SH3PXD2B: variants seen among roughly 807,000 people sequenced by gnomAD.
The protein encoded by SH3PXD2B is SH3 and PX domain-containing protein 2B.
Under a neutral mutation model 73.1 loss-of-function variants are expected in SH3PXD2B, and 37 were observed. That is an observed-to-expected ratio of 0.51 (90% CI 0.39 to 0.67). SH3PXD2B has a LOEUF of 0.67. Among genes scored for constraint, SH3PXD2B ranks in the 30% least tolerant of loss-of-function variants. The pLI is 0.00. For missense variants in SH3PXD2B, 1,053 were observed against 1,197.8 expected (o/e 0.88, Z 1.78); for synonymous variants, 457 against 480.5 (o/e 0.95, Z 0.64).
chr5:172,433,910 C>A (rs185291126), intron 1 of SH3PXD2B, among the ~76,000 whole-genome samples: 5 of 152,266 alleles, frequency 3.3e-5, no homozygotes, highest in African/African-American at 9.6e-5. Context: ...TTCACCTCCT[C>A]GCGGGGTCTA....
intron 2 of SH3PXD2B, among the ~76,000 whole-genome samples, chr5:172,414,120 T>G (rs1469812756): frequency 6.6e-6 from 1 of 152,150 alleles, no homozygotes; most frequent in Non-Finnish European, 1.5e-5. Context: ...AAAAGTACAC[T>G]TGGGGCTGTT....
chr5:172,402,277 C>A (rs1175161048), intron 3 of SH3PXD2B, among the ~76,000 whole-genome samples: 2 of 152,178 alleles, frequency 1.3e-5, no homozygotes, highest in Admixed American at 1.3e-4. Context: ...AAATTTTGGT[C>A]AGACCGTTGT....
intron 6 of SH3PXD2B, among the ~76,000 whole-genome samples, chr5:172,369,218 GTTTT>G (rs1757646555): frequency 6.8e-6 from 1 of 146,610 alleles, no homozygotes; most frequent in African/African-American, 2.6e-5. Flanking sequence ...TATTTTTTTT[GTTTT>G]GTTTTGTTTT....
intron 7 of SH3PXD2B, among the ~76,000 whole-genome samples, chr5:172,360,704 T>C (rs142546339): frequency 0.014 from 2,187 of 152,214 alleles, 16 homozygotes; most frequent in South Asian, 0.024. Context: ...TGGTGGCATG[T>C]GCCTGTAGTC....
At chr5:172,377,441 G>C (rs970971368) in intron 5 of SH3PXD2B, among the ~76,000 whole-genome samples, 16 of 152,098 alleles carry the variant, frequency 1.1e-4, no homozygotes, top group African/African-American at 3.9e-4. Flanking sequence ...ACCATCCCTT[G>C]GGCCCTTGGC....
intron 1 of SH3PXD2B, among the ~76,000 whole-genome samples, chr5:172,452,686 G>C (rs998229882): frequency 6.6e-6 from 1 of 152,172 alleles, no homozygotes; most frequent in Non-Finnish European, 1.5e-5. Context: ...GTTTTTGCCA[G>C]CTCACAGACC....
intron 1 of SH3PXD2B, among the ~76,000 whole-genome samples, chr5:172,439,690 GCGCA>G (rs1328310781): frequency 1.8e-3 from 207 of 113,214 alleles, no homozygotes; most frequent in African/African-American, 6.1e-3. Flanking sequence ...GCGCACGCGC[GCGCA>G]CACACACACA....
In SH3PXD2B at chr5:172,335,335, A is replaced by G; in HGVS notation, c.*3034T>C. On this transcript the variant is annotated 3_prime_UTR_variant, in exon 13 of 13. Coordinates refer to ENST00000311601, the MANE Select transcript of SH3PXD2B (RefSeq NM_001017995.3). The stretch of plus-strand genomic sequence containing the variant: ...AGGGGCGGGGGGAAGAGGCACCGAA[A>G]TTCAGAGGGAGGGTCACTTGATTCC... 1 of 1,201,330 alleles carries G rather than the reference A, an allele frequency of 8.3e-7. No individual in the cohort carries two copies. 74.4% of individuals were successfully genotyped at this position (1,201,330 alleles called of 1,614,324 possible).
chr5:172,368,640 T>TTATATATATAACACATATATATTA (rs1554137066), intron 6 of SH3PXD2B, among the ~76,000 whole-genome samples: 1 of 15,922 alleles, frequency 6.3e-5, no homozygotes, highest in Non-Finnish European at 8.5e-5. Flanking sequence ...AATATATATG[T>TTATATATATAACACATATATATTA]TATATATATA....
intron 5 of SH3PXD2B, among the ~76,000 whole-genome samples, chr5:172,379,069 C>CAAAAAA (rs61301407): frequency 1.3e-5 from 1 of 76,000 alleles, no homozygotes; most frequent in African/African-American, 5.0e-5. Flanking sequence ...GACTCTGTCT[C>CAAAAAA]AAAAAAAAAA....
chr5:172,376,338 T>G (rs1039978960), intron 5 of SH3PXD2B, among the ~76,000 whole-genome samples: 11 of 152,102 alleles, frequency 7.2e-5, no homozygotes, highest in African/African-American at 2.4e-4. Context: ...CTATCTATCT[T>G]CTTGATTACA....
At chr5:172,379,626 A>T (rs1170193214) in intron 5 of SH3PXD2B, among the ~76,000 whole-genome samples, 1 of 152,194 alleles carries the variant, frequency 6.6e-6, no homozygotes, top group African/African-American at 2.4e-5. Flanking sequence ...AATAAAGACA[A>T]CAATGTCTGG....
chr5:172,413,956 G>T (rs1758758771), intron 2 of SH3PXD2B, among the ~76,000 whole-genome samples: 1 of 152,226 alleles, frequency 6.6e-6, no homozygotes, highest in African/African-American at 2.4e-5. Context: ...GATCTTGCTG[G>T]GAAGGCTTCC....
chr5:172,386,761 G>T (rs960019178), intron 4 of SH3PXD2B, among the ~76,000 whole-genome samples: 9 of 152,084 alleles, frequency 5.9e-5, no homozygotes, highest in African/African-American at 2.2e-4. Context: ...CTGAGTAGCT[G>T]GGGTTACAGG....
intron 1 of SH3PXD2B, among the ~76,000 whole-genome samples, chr5:172,425,799 A>T (rs1337615722): frequency 6.6e-6 from 1 of 152,102 alleles, no homozygotes; most frequent in Non-Finnish European, 1.5e-5. Flanking sequence ...CGGCTTGAAG[A>T]GGGGCAGGGA....
intron 3 of SH3PXD2B, among the ~76,000 whole-genome samples, chr5:172,401,470 T>C (rs1260098698): frequency 6.6e-6 from 1 of 152,172 alleles, no homozygotes; most frequent in African/African-American, 2.4e-5. Flanking sequence ...CTGTAGTAAA[T>C]CTTAGAATTA....
rs370962919 is a variant in SH3PXD2B, at chr5:172,338,342, G to A, written c.*27C>T. ...GTGGGTAAAGCCAGCAAGGACCAGC[G>A]GGCCCTCTAGGCAGAAAGGGAGTCG... On this transcript the variant is annotated 3_prime_UTR_variant, in exon 13 of 13. Coordinates refer to ENST00000311601, the MANE Select transcript of SH3PXD2B (RefSeq NM_001017995.3). This position sits in a 1 kb window ranked among gnomAD's most constrained non-coding sequence, Gnocchi z 5.1. 9.3e-6 allele frequency: 15 copies of A among 1,613,654 alleles called. No homozygotes were observed. The African/African-American group carries it at 1.1e-4, about 11-fold the overall frequency.
chr5:172,432,171 TCAAA>T (rs750746190), intron 1 of SH3PXD2B, among the ~76,000 whole-genome samples: 42 of 152,276 alleles, frequency 2.8e-4, no homozygotes, highest in East Asian at 1.9e-3. Flanking sequence ...AGACTCTGTC[TCAAA>T]CAAACAAAGA....
chr5:172,391,413 T>A (rs866211709), intron 4 of SH3PXD2B, among the ~76,000 whole-genome samples: 3 of 152,372 alleles, frequency 2.0e-5, no homozygotes, highest in Middle Eastern at 3.4e-3. Context: ...ATACAAATCC[T>A]TTATCAGATA....
Sources: allele counts gnomAD v4.1 joint callset (sites outside exome capture counted in the v4.1 genomes callset), GRCh38; gene constraint gnomAD v4.1.1; non-coding constraint Gnocchi (gnomAD v3.1); transcripts MANE v1.5; gene names NCBI Gene and HGNC (gene_info 2026-07-23, HGNC 2026-07-21).